The following PTPN11 variants were observed in gnomAD, a reference collection of about 807,000 sequenced individuals.
PTPN11 encodes the protein protein tyrosine phosphatase non-receptor type 11.
PTPN11 carries 6 observed loss-of-function variants against 78.8 expected under a neutral mutation model. That is an observed-to-expected ratio of 0.08 (90% confidence interval 0.04 to 0.15). The LOEUF (loss-of-function observed/expected upper bound fraction) is 0.15, where lower values mean the gene tolerates loss of function less well. PTPN11 is among the 10% of genes least tolerant of loss of function. The pLI, the probability that PTPN11 is intolerant of heterozygous loss-of-function variation, is 1.00. For synonymous variants in PTPN11, 221 were observed against 263.5 expected (o/e 0.84, Z 1.56); for missense variants, 386 against 744.8 (o/e 0.52, Z 5.61).
At chr12:112,449,638 A>G (rs1164745623) in intron 2 of PTPN11, among the ~76,000 whole-genome samples, 1 of 152,234 alleles carries the variant, frequency 6.6e-6, no homozygotes, top group African/African-American at 2.4e-5. Flanking sequence ...ATACATTTTT[A>G]TGATTAAAAA....
At chr12:112,455,080 G>A (rs2038136668) in intron 5 of PTPN11, among the ~76,000 whole-genome samples, 2 of 151,598 alleles carry the variant, frequency 1.3e-5, no homozygotes, top group South Asian at 2.1e-4. Flanking sequence ...TTGGCCTCCC[G>A]AAGTTTTGGG....
chr12:112,423,643 A>G (rs1219589187), intron 1 of PTPN11, among the ~76,000 whole-genome samples: 1 of 151,746 alleles, frequency 6.6e-6, no homozygotes, highest in Non-Finnish European at 1.5e-5. Flanking sequence ...GTATATATGT[A>G]TATTTGTATA....
chr12:112,503,842 G>C lies in PTPN11; in HGVS notation c.1713-853G>C, dbSNP rs146729807. On this transcript the variant is annotated intron_variant, in intron 14 of 15. Transcript: ENST00000351677. ...TCAGCCTGGCACCCACAGCTGCTGG[G>C]TTCCTTACTCTCCTGGACTGCTCTG... Among the ~76,000 whole-genome samples the C allele has an allele frequency of 1.8e-3, 279 of 152,202 alleles. 1 individual carries two copies. Among genetic ancestry groups the C allele is most frequent in the Middle Eastern group, 6.8e-3 (2 of 294 alleles).
chr12:112,423,969 C>T (rs557173097), intron 1 of PTPN11, among the ~76,000 whole-genome samples: 1 of 152,162 alleles, frequency 6.6e-6, no homozygotes, highest in Admixed American at 6.5e-5. Context: ...CCAGGCTGGT[C>T]TCAAATTCCT....
At chr12:112,435,788 A>G (rs975003108) in intron 1 of PTPN11, among the ~76,000 whole-genome samples, 3 of 152,122 alleles carry the variant, frequency 2.0e-5, no homozygotes, top group Non-Finnish European at 4.4e-5. Flanking sequence ...AGACAGAAAA[A>G]AAATTGAAAG....
In PTPN11 at chr12:112,429,802, CA is replaced by C. The variant is rs1325847121; in HGVS notation, c.14+10688del. Among the ~76,000 whole-genome samples the C allele has an allele frequency of 2.3e-4, 29 of 125,484 alleles. 1 individual carries two copies. The highest frequency in any genetic ancestry group is 5.2e-4 in the South Asian group (2 of 3,864). The allele number at this position is 125,484 out of a possible 152,430, so 82.3% of individuals were successfully genotyped here. On this transcript the variant is annotated intron_variant, in intron 1 of 15. Coordinates refer to ENST00000351677, the MANE Select transcript of PTPN11 (RefSeq NM_002834.5). ...TGGGTGACAGAGCAGGACTCCGTCT[CA>C]AAAAAAAAAACAACAACAAAAAAAG...
rs1373887998 is a variant in PTPN11, at chr12:112,509,373, A to G, written c.*3581A>G. ...ATCAAACTAATTTTGACAAGTTTTCATCCTAAGCCTCAAATCATGTAATTA... is the reference window on the plus strand; with the variant it reads ...ATCAAACTAATTTTGACAAGTTTTCGTCCTAAGCCTCAAATCATGTAATTA... On this transcript the variant is annotated 3_prime_UTR_variant, in exon 16 of 16. Transcript: ENST00000351677. 6.6e-6 allele frequency: 1 copy of G among 152,608 alleles called. No individual in the cohort carries two copies. Among genetic ancestry groups the G allele is most frequent in the Non-Finnish European group, 1.5e-5 (1 of 68,042 alleles). 9.5% of individuals were successfully genotyped at this position (152,608 alleles called of 1,614,324 possible).
intron 1 of PTPN11, among the ~76,000 whole-genome samples, chr12:112,434,619 AAG>A (rs920822311): frequency 6.6e-6 from 1 of 152,008 alleles, no homozygotes; most frequent in Non-Finnish European, 1.5e-5. Context: ...AAAAAAAAAA[AAG>A]AGAGAAAGAT....
At chr12:112,457,018 G>A (rs541175190) in intron 6 of PTPN11, among the ~76,000 whole-genome samples, 1 of 152,238 alleles carries the variant, frequency 6.6e-6, no homozygotes, top group South Asian at 2.1e-4. Flanking sequence ...TGCCATCATG[G>A]TTTGCTGCAC....
chr12:112,445,685 A>C (rs1307953083), intron 1 of PTPN11, among the ~76,000 whole-genome samples: 2 of 147,716 alleles, frequency 1.4e-5, no homozygotes, highest in Non-Finnish European at 1.5e-5. Flanking sequence ...CTTGTTGCCC[A>C]AGCTGGAGTG....
chr12:112,438,331 G>A (rs1298836897), intron 1 of PTPN11, among the ~76,000 whole-genome samples: 1 of 152,002 alleles, frequency 6.6e-6, no homozygotes, highest in Non-Finnish European at 1.5e-5. Context: ...TTTCTTGTGT[G>A]TGTTTCTTAG....
Position 112,446,489 on chromosome 12 carries a change from G to T in PTPN11, c.137+91G>T, listed in dbSNP as rs778889781. On this transcript the variant is annotated intron_variant, in intron 2 of 15. Coordinates refer to ENST00000351677, the MANE Select transcript of PTPN11 (RefSeq NM_002834.5). ...TTGGATAGCTTGCTGCCTGCATTTC[G>T]AGTTTGAAGGCCTTATCTGAGCCCT... 7 of 1,570,586 alleles carry T rather than the reference G, an allele frequency of 4.5e-6. No individual in the cohort carries two copies. The Admixed American group carries it at 1.2e-4, about 26-fold the overall frequency.
At chr12:112,432,233 C>T (rs1036277777) in intron 1 of PTPN11, among the ~76,000 whole-genome samples, 1 of 152,184 alleles carries the variant, frequency 6.6e-6, no homozygotes, top group Non-Finnish European at 1.5e-5. Flanking sequence ...GGATTTCACA[C>T]TCTATGCCCG....
chr12:112,461,499 G>T (rs1217166769), intron 6 of PTPN11, among the ~76,000 whole-genome samples: 2 of 151,592 alleles, frequency 1.3e-5, no homozygotes, highest in Non-Finnish European at 2.9e-5. Context: ...CTAATTTTTT[G>T]ATTCTTTTGT....
chr12:112,432,286 G>C (rs2135836362), intron 1 of PTPN11, among the ~76,000 whole-genome samples: 1 of 152,198 alleles, frequency 6.6e-6, no homozygotes, highest in East Asian at 1.9e-4. Flanking sequence ...GACAATATTT[G>C]TCAAAATAAA....
intron 3 of PTPN11, among the ~76,000 whole-genome samples, chr12:112,452,701 A>G (rs1254098078): frequency 6.6e-6 from 1 of 151,392 alleles, no homozygotes; most frequent in Admixed American, 6.6e-5. Flanking sequence ...CTAATTTTTA[A>G]TTGTTTTGTG....
intron 13 of PTPN11, among the ~76,000 whole-genome samples, chr12:112,493,634 C>A (rs1416990211): frequency 6.6e-6 from 1 of 152,058 alleles, no homozygotes; most frequent in African/African-American, 2.4e-5. Flanking sequence ...GGTGATCTAC[C>A]CACCTCGGCC....
chr12:112,433,177 T>C (rs1007893466), intron 1 of PTPN11, among the ~76,000 whole-genome samples: 2 of 152,204 alleles, frequency 1.3e-5, no homozygotes, highest in African/African-American at 4.8e-5. Flanking sequence ...CCACCATTTT[T>C]AATCTTTTAT....
intron 6 of PTPN11, among the ~76,000 whole-genome samples, chr12:112,471,991 T>G (rs1377676077): frequency 6.6e-6 from 1 of 151,898 alleles, no homozygotes; most frequent in Non-Finnish European, 1.5e-5. Flanking sequence ...GTCTGGTTTT[T>G]TGTCATATTG....
Sources: gnomAD v4.1 joint callset for allele counts (sites outside exome capture counted in the v4.1 genomes callset) on GRCh38, gnomAD v4.1.1 for gene constraint, MANE v1.5 for transcripts, NCBI Gene and HGNC (gene_info 2026-07-23, HGNC 2026-07-21) for gene names.